SLC8A1: variants seen among roughly 807,000 people sequenced by gnomAD.
The protein encoded by SLC8A1 is solute carrier family 8 member A1, also known as sodium/calcium exchanger 1.
Under a neutral mutation model 68.3 loss-of-function variants are expected in SLC8A1, and 18 were observed. The ratio of observed to expected loss-of-function variants is 0.26; its 90% CI spans 0.18 to 0.39. The LOEUF is 0.39. Ranked by LOEUF, SLC8A1 falls within the 10% of genes least tolerant of loss-of-function variation. The pLI is 1.00. For synonymous variants in SLC8A1, 475 were observed against 415.5 expected (o/e 1.14, Z -1.74); for missense variants, 985 against 1,156.7 (o/e 0.85, Z 2.15).
chr2:40,194,864 G>C (rs1223548906), intron 2 of SLC8A1, among the ~76,000 whole-genome samples: 1 of 151,970 alleles, frequency 6.6e-6, no homozygotes, highest in Non-Finnish European at 1.5e-5. Flanking sequence ...AGGATATCAG[G>C]GAGTCTGTAC....
intron 6 of SLC8A1, among the ~76,000 whole-genome samples, chr2:40,159,014 G>C (rs577455639): frequency 6.6e-6 from 1 of 152,098 alleles, no homozygotes; most frequent in East Asian, 1.9e-4. Flanking sequence ...GTCATAAAAT[G>C]TTTCCTTGTT....
chr2:40,386,696 C>G (rs908596656), intron 2 of SLC8A1, among the ~76,000 whole-genome samples: 1 of 149,876 alleles, frequency 6.7e-6, no homozygotes, highest in Non-Finnish European at 1.5e-5. Flanking sequence ...TAGGAAAAGT[C>G]AGTAAGTCCA....
intron 1 of SLC8A1, among the ~76,000 whole-genome samples, chr2:40,434,570 A>T (rs1248849256): frequency 6.6e-6 from 1 of 152,132 alleles, no homozygotes; most frequent in Non-Finnish European, 1.5e-5. Flanking sequence ...GGATATGTTG[A>T]TTTGCTGCCT....
chr2:40,480,906 G>A (rs552759865), intron 1 of SLC8A1, among the ~76,000 whole-genome samples: 24 of 152,258 alleles, frequency 1.6e-4, no homozygotes, highest in African/African-American at 5.5e-4. Flanking sequence ...GAAGAGATTC[G>A]TAGTAGCCAA....
exon 8 of SLC8A1, chr2:40,104,165 A>G (rs1183349669): frequency 6.6e-6 from 1 of 152,222 alleles, no homozygotes; most frequent in Non-Finnish European, 1.5e-5. Context: ...AGAGATGAAG[A>G]GTGAGATGTT....
intron 2 of SLC8A1, among the ~76,000 whole-genome samples, chr2:40,306,411 G>A (rs547852224): frequency 1.3e-5 from 2 of 150,928 alleles, no homozygotes; most frequent in African/African-American, 2.4e-5. Context: ...AATACTGAAG[G>A]TGTAAGGGCA....
rs191816601 is a variant in SLC8A1 at position 40,322,890 on chromosome 2, G to C, written c.1808+105583C>G. 4.0e-5 allele frequency among the ~76,000 whole-genome samples: 6 copies of C among 151,448 alleles called. No homozygotes were observed. In the South Asian group the frequency reaches 1.0e-3, roughly 26 times the overall value. On this transcript the variant is annotated intron_variant, in intron 2 of 7. Transcript: ENST00000406785. ...CACACAGAATCTCATTTAATCCTTA[G>C]AGCAACTCTCTCTGGTAGGTTTTAT...
At chr2:40,237,608 C>G (rs1291232088) in intron 2 of SLC8A1, among the ~76,000 whole-genome samples, 4 of 152,160 alleles carry the variant, frequency 2.6e-5, no homozygotes, top group African/African-American at 2.4e-5. Context: ...CTCAGCTCAT[C>G]AAAGTCATTC....
chr2:40,307,164 CACACACAA>C (rs2072794326), intron 2 of SLC8A1, among the ~76,000 whole-genome samples: 1 of 151,192 alleles, frequency 6.6e-6, no homozygotes, highest in Non-Finnish European at 1.5e-5. Context: ...CACACACACA[CACACACAA>C]ACACATACAC....
chr2:40,304,646 G>A (rs1276921365), intron 2 of SLC8A1, among the ~76,000 whole-genome samples: 1 of 152,148 alleles, frequency 6.6e-6, no homozygotes, highest in Non-Finnish European at 1.5e-5. Context: ...ACTGCCTAGA[G>A]TCTCGTCGTG....
In SLC8A1 at chr2:40,327,481, C is replaced by A. The variant is rs908729211; in HGVS notation, c.1808+100992G>T. Reference sequence around the variant, plus strand: ...TTTCGCAGCATAGCTTTTTAAAAAACGTTGTGAGCATGTTCTTTCTGCAAA... The same window carrying A: ...TTTCGCAGCATAGCTTTTTAAAAAAAGTTGTGAGCATGTTCTTTCTGCAAA... On this transcript the variant is annotated intron_variant, in intron 2 of 7. Coordinates refer to ENST00000406785, the Ensembl canonical transcript of SLC8A1. 5.9e-5 allele frequency among the ~76,000 whole-genome samples: 9 copies of A among 152,130 alleles called. 1 individual carries two copies. The highest frequency in any genetic ancestry group is 5.9e-4 in the Admixed American group (9 of 15,266).
chr2:40,497,365 A>C (rs1394664201), intron 1 of SLC8A1, among the ~76,000 whole-genome samples: 1 of 152,054 alleles, frequency 6.6e-6, no homozygotes, highest in Non-Finnish European at 1.5e-5. Context: ...ATATCAAGAT[A>C]AGTAAGATTG....
intron 2 of SLC8A1, among the ~76,000 whole-genome samples, chr2:40,276,996 A>G (rs1454031791): frequency 6.6e-6 from 1 of 152,246 alleles, no homozygotes; most frequent in African/African-American, 2.4e-5. Context: ...TCTATGTATC[A>G]GCCTAAAGAT....
rs973307526 is a variant in SLC8A1 at position 40,192,258 on chromosome 2, T to C, written c.1809-14403A>G. ...CTCAGCTGTAATTCAAAAATATATA[T>C]GGGGCATTAATATGAATATTATAAT... On this transcript the variant is annotated intron_variant, in intron 2 of 7. Coordinates refer to ENST00000406785, the Ensembl canonical transcript of SLC8A1. Among the ~76,000 whole-genome samples the C allele has an allele frequency of 2.6e-5, 4 of 152,042 alleles. No homozygotes were observed. The East Asian group carries it at 5.8e-4, about 22-fold the overall frequency.
At chr2:40,147,624 C>T (rs2042699662) in intron 6 of SLC8A1, among the ~76,000 whole-genome samples, 1 of 152,156 alleles carries the variant, frequency 6.6e-6, no homozygotes, top group African/African-American at 2.4e-5. Flanking sequence ...AATTAGCCTC[C>T]TGTAGTGTGG....
chr2:40,369,668 C>G (rs1039436556), intron 2 of SLC8A1, among the ~76,000 whole-genome samples: 1 of 151,988 alleles, frequency 6.6e-6, no homozygotes, highest in African/African-American at 2.4e-5. Context: ...GTACCAATAC[C>G]ATGGAGTACG....
At chr2:40,256,755 G>C (rs909214580) in intron 2 of SLC8A1, among the ~76,000 whole-genome samples, 5 of 152,158 alleles carry the variant, frequency 3.3e-5, no homozygotes, top group African/African-American at 1.2e-4. Context: ...GCTTTCCCCA[G>C]AACACACTTT....
At chr2:40,146,637 AGG>A (rs1491467598) in intron 6 of SLC8A1, among the ~76,000 whole-genome samples, 49,806 of 151,590 alleles carry the variant, frequency 0.33, 8,765 homozygotes, top group African/African-American at 0.45. Flanking sequence ...GGGGGATGGG[AGG>A]CAGTGAAAGA....
chr2:40,176,637 C>T (rs34238309), intron 3 of SLC8A1, among the ~76,000 whole-genome samples: 1,616 of 152,218 alleles, frequency 0.011, 8 homozygotes, highest in African/African-American at 0.016. Context: ...TCCCCACCAG[C>T]GGACTGTGAG....
Sources: allele counts gnomAD v4.1 joint callset (sites outside exome capture counted in the v4.1 genomes callset), GRCh38; gene constraint gnomAD v4.1.1; transcripts MANE v1.5; gene names NCBI Gene and HGNC (gene_info 2026-07-23, HGNC 2026-07-21).